Variants in INPP4B observed in about 807,000 individuals in gnomAD.
INPP4B encodes the protein inositol polyphosphate-4-phosphatase type II B, also known as inositol polyphosphate 4-phosphatase type II.
In INPP4B, 55 loss-of-function variants were observed where a neutral mutation model predicts 122.5. That is an observed-to-expected ratio of 0.45 (90% CI 0.36 to 0.56). The LOEUF is 0.56. Among genes scored for constraint, INPP4B ranks in the 20% least tolerant of loss-of-function variants. INPP4B has a pLI of 0.00. For synonymous variants in INPP4B, 403 were observed against 388.7 expected (o/e 1.04, Z -0.43); for missense variants, 1,000 against 1,097.7 (o/e 0.91, Z 1.26).
chr4:142,629,519 T>A (rs1321066245), intron 2 of INPP4B, among the ~76,000 whole-genome samples: 1 of 151,770 alleles, frequency 6.6e-6, no homozygotes, highest in Admixed American at 6.6e-5. Flanking sequence ...AGTGTGTATG[T>A]GTGTGTGTTT....
chr4:142,305,207 A>C (rs529647058), intron 9 of INPP4B, among the ~76,000 whole-genome samples: 11 of 152,212 alleles, frequency 7.2e-5, no homozygotes, highest in Non-Finnish European at 1.5e-4. Flanking sequence ...AAAGAATTTC[A>C]TCACTTTAAT....
chr4:142,259,593 AAAT>A (rs71957973), intron 11 of INPP4B, among the ~76,000 whole-genome samples: 113,835 of 149,836 alleles, frequency 0.76, 44,485 homozygotes, highest in East Asian at 0.93. Context: ...AAAAAATATA[AAAT>A]AATAATAATA....
chr4:142,180,652 A>G (rs1192108450), intron 15 of INPP4B, among the ~76,000 whole-genome samples: 2 of 152,216 alleles, frequency 1.3e-5, no homozygotes, highest in East Asian at 1.9e-4. Flanking sequence ...ACTAGCATAG[A>G]TGGTAAAACC....
At chr4:142,764,800 A>G (rs1378493360) in intron 1 of INPP4B, among the ~76,000 whole-genome samples, 1 of 151,958 alleles carries the variant, frequency 6.6e-6, no homozygotes, top group East Asian at 1.9e-4. Flanking sequence ...GTGTATCTGG[A>G]GATCCTCAGA....
intron 2 of INPP4B, among the ~76,000 whole-genome samples, chr4:142,650,481 A>G (rs1433602105): frequency 7.9e-5 from 12 of 152,118 alleles, no homozygotes; most frequent in African/African-American, 2.9e-4. Context: ...CATCTCAGGT[A>G]CAGAGACACA....
rs80272288 is a variant in INPP4B, at chr4:142,305,987, T to C, written c.424-450A>G. The C allele has an allele frequency of 7.1e-3, 6,353 of 897,110 alleles. 305 individuals carry two copies. In the African/African-American group the frequency reaches 0.11, roughly 15 times the overall value. 55.6% of individuals were successfully genotyped at this position (897,110 alleles called of 1,614,324 possible). A position where few individuals can be genotyped will look rare whatever the true frequency, so the allele number is the denominator to read the frequency against. On this transcript the variant is annotated intron_variant, in intron 8 of 25. Coordinates refer to ENST00000262992, the MANE Select transcript of INPP4B (RefSeq NM_001101669.3). ...GGAGCTATTTTTATGTGGGACTTTG[T>C]ACAAGTTATAAATAGAAATGTTATA...
intron 2 of INPP4B, among the ~76,000 whole-genome samples, chr4:142,579,841 G>A (rs1391357667): frequency 6.7e-6 from 1 of 149,164 alleles, no homozygotes; most frequent in Non-Finnish European, 1.5e-5. Context: ...TAATAAATTA[G>A]ATAGATTGGA....
chr4:142,791,577 C>T, intron 1 of INPP4B, among the ~76,000 whole-genome samples: 1 of 152,000 alleles, frequency 6.6e-6, no homozygotes, highest in East Asian at 1.9e-4. Flanking sequence ...CATGTCTTGC[C>T]ACTAACATGG....
In INPP4B at chr4:142,618,874, A is replaced by AAAATAAAT. The variant is rs558966100; in HGVS notation, c.-191+106957_-191+106964dup. On this transcript the variant is annotated intron_variant, in intron 2 of 25. Transcript: ENST00000262992. ...AAAATAGATCCTTCAACTCAATGGCAAAATAAATAAATAAATAAATAAATA... is the reference window on the plus strand; with the variant it reads ...AAAATAGATCCTTCAACTCAATGGCAAAATAAATAAATAAATAAATAAATAAATAAATA... Among the ~76,000 whole-genome samples, 1,478 of 151,526 alleles carry AAAATAAAT rather than the reference A, an allele frequency of 9.8e-3. 10 individuals carry two copies. The highest frequency in any genetic ancestry group is 0.026 in the African/African-American group (1,077 of 41,218).
chr4:142,483,422 C>G (rs1485654709), intron 2 of INPP4B, among the ~76,000 whole-genome samples: 1 of 151,940 alleles, frequency 6.6e-6, no homozygotes. Context: ...CCCCCGAACT[C>G]TCTGTGAGTG....
At position 142,108,102 on chromosome 4, in the gene INPP4B, G is replaced by A; in HGVS notation, c.2365C>T (p.Pro789Ser). The A allele has an allele frequency of 6.7e-7, 1 of 1,490,044 alleles. No homozygotes were observed. The highest frequency in any genetic ancestry group is 9.3e-7 in the Non-Finnish European group (1 of 1,070,518). 92.3% of individuals were successfully genotyped at this position (1,490,044 alleles called of 1,614,324 possible). A position where few individuals can be genotyped will look rare whatever the true frequency, so the allele number is the denominator to read the frequency against. Reference protein sequence around the residue: ...EYYKIFMEKMPPDYISHFQEQ... With the variant: ...EYYKIFMEKMSPDYISHFQEQ... Reference sequence around the variant, plus strand: ...TAACTCACATACTTACAATCAGGAGGCATCTTTTCCATAAATATCTTGTAA... The same window carrying A: ...TAACTCACATACTTACAATCAGGAGACATCTTTTCCATAAATATCTTGTAA... The change falls in exon 23 of 26, where the codon CCT becomes TCT. Residue 789 changes from proline to serine, a missense_variant. By Grantham distance (74) the Pro-to-Ser change is moderately conservative (BLOSUM62 -1). Coordinates refer to ENST00000262992, the MANE Select transcript of INPP4B (RefSeq NM_001101669.3).
intron 16 of INPP4B, among the ~76,000 whole-genome samples, chr4:142,169,966 GAGAGA>G: frequency 6.6e-6 from 1 of 151,630 alleles, no homozygotes; most frequent in Non-Finnish European, 1.5e-5. Context: ...TCTGAGCTAT[GAGAGA>G]TACGTGAACA....
At chr4:142,253,288 G>T (rs929361275) in intron 11 of INPP4B, among the ~76,000 whole-genome samples, 2 of 152,208 alleles carry the variant, frequency 1.3e-5, no homozygotes, top group African/African-American at 4.8e-5. Flanking sequence ...GGTAAACAGT[G>T]TATGCATAGG....
At chr4:142,267,734 A>G (rs1743522816) in intron 10 of INPP4B, among the ~76,000 whole-genome samples, 1 of 152,200 alleles carries the variant, frequency 6.6e-6, no homozygotes, top group African/African-American at 2.4e-5. Context: ...GTATCAAACT[A>G]AAAAGCTTCT....
At chr4:142,588,317 G>A (rs938983498) in intron 2 of INPP4B, among the ~76,000 whole-genome samples, 3 of 151,682 alleles carry the variant, frequency 2.0e-5, no homozygotes, top group African/African-American at 7.2e-5. Context: ...GGTAGAAAAT[G>A]GAAATAAAAT....
In INPP4B at chr4:142,766,956, A is replaced by T. The variant is rs111335486; in HGVS notation, c.-253-41055T>A. The T allele has an allele frequency of 5.3e-5, 8 of 152,316 alleles. 1 individual carries two copies. The highest frequency in any genetic ancestry group is 1.9e-4 in the African/African-American group (8 of 41,586). 9.4% of individuals were successfully genotyped at this position (152,316 alleles called of 1,614,324 possible). On this transcript the variant is annotated intron_variant, in intron 1 of 25. Coordinates refer to ENST00000262992, the MANE Select transcript of INPP4B (RefSeq NM_001101669.3). ...GACTCTAAAAACAGTAAGAGCAGCC[A>T]CTTTAACTCAAACTCTTTATCTTAC...
chr4:142,170,398 C>T (rs1451456006), intron 16 of INPP4B, among the ~76,000 whole-genome samples: 1 of 151,566 alleles, frequency 6.6e-6, no homozygotes, highest in East Asian at 1.9e-4. Context: ...TAATAGTACT[C>T]CTTCCCTGCC....
At chr4:142,626,509 A>G (rs1746441443) in intron 2 of INPP4B, among the ~76,000 whole-genome samples, 1 of 152,012 alleles carries the variant, frequency 6.6e-6, no homozygotes, top group Non-Finnish European at 1.5e-5. Context: ...CAGTTCTACA[A>G]TCATAAGTAA....
chr4:142,060,395 G>C (rs969615441), intron 25 of INPP4B, among the ~76,000 whole-genome samples: 3 of 152,048 alleles, frequency 2.0e-5, no homozygotes, highest in Non-Finnish European at 4.4e-5. Context: ...AAAAACTCAG[G>C]AGAAACCTTG....
Sources: gnomAD v4.1 joint callset for allele counts (sites outside exome capture counted in the v4.1 genomes callset) on GRCh38, gnomAD v4.1.1 for gene constraint, MANE v1.5 for transcripts, NCBI Gene and HGNC (gene_info 2026-07-23, HGNC 2026-07-21) for gene names.